The following HLX variants were observed in gnomAD, a reference collection of about 807,000 sequenced individuals.
HLX encodes H2.0-like homeobox protein.
Under a neutral mutation model 27.7 loss-of-function variants are expected in HLX, and 6 were observed. That is an observed-to-expected ratio of 0.22 (90% confidence interval 0.12 to 0.43). The LOEUF is 0.43. Among genes scored for constraint, HLX ranks in the 20% least tolerant of loss-of-function variants. HLX has a pLI of 1.00. For missense variants in HLX, 666 were observed against 655.2 expected (o/e 1.02, Z -0.18); for synonymous variants, 328 against 293.8 (o/e 1.12, Z -1.19).
At position 220,884,806 on chromosome 1, in the gene HLX, C is replaced by T; in HGVS notation, c.*102C>T. 1 of 1,507,068 alleles carries T rather than the reference C, an allele frequency of 6.6e-7. No homozygotes were observed. The highest frequency in any genetic ancestry group is 8.9e-7 in the Non-Finnish European group (1 of 1,128,930). The allele number at this position is 1,507,068 out of a possible 1,614,324, so 93.4% of individuals were successfully genotyped here. ...GTTGGCGACTTGGTAGGGCAGGAGA[C>T]GCAGCGTGGAGCCTACCTCCCGACA... On this transcript the variant is annotated 3_prime_UTR_variant, in exon 4 of 4. Coordinates refer to ENST00000366903, the MANE Select transcript of HLX (RefSeq NM_021958.4). This position sits in a 1 kb window ranked among gnomAD's most constrained non-coding sequence, Gnocchi z 4.9.
Position 220,884,630 on chromosome 1 carries a change from C to T in HLX, c.1393C>T (p.Pro465Ser), listed in dbSNP as rs762788335. Residue 465 changes from proline to serine, a missense_variant, in exon 4 of 4, where the codon CCT (proline) becomes TCT (serine). Transcript: ENST00000366903. This position sits in a 1 kb window ranked among gnomAD's most constrained non-coding sequence, Gnocchi z 4.9. The part of the protein sequence containing the change: ...LGGGGASELL[P>S]ATQPTASSAP... The stretch of plus-strand genomic sequence containing the variant: ...CGGCGGCGGCGCCTCGGAGCTTCTC[C>T]CTGCAACACAGCCCACAGCCAGCAG... 9.3e-6 allele frequency: 15 copies of T among 1,610,198 alleles called. No homozygotes were observed. Among genetic ancestry groups the T allele is most frequent in the Admixed American group, 6.7e-5 (4 of 59,850 alleles).
chr1:220,880,512 G>A (rs1674402812), intron 1 of HLX, 63 bp downstream of exon 1: 1 of 1,563,388 alleles, frequency 6.4e-7, no homozygotes, highest in Admixed American at 1.7e-5. Context: ...ACCCCGGGCT[G>A]GCTTGGGGTG....
chr1:220,880,480 TGACCACTGACC>T (rs765121102), intron 1 of HLX, 31 bp downstream of exon 1: 9 of 1,611,588 alleles, frequency 5.6e-6, no homozygotes, highest in Non-Finnish European at 7.6e-6. Context: ...TGCAGGCCTC[TGACCACTGACC>T]CACTCCCCGG....
chr1:220,884,018 C>T lies in HLX; in HGVS notation c.958-177C>T. The T allele has an allele frequency of 1.5e-6, 1 of 659,564 alleles. No homozygotes were observed. Among genetic ancestry groups the T allele is most frequent in the Non-Finnish European group, 2.7e-6 (1 of 377,024 alleles). The allele number at this position is 659,564 out of a possible 1,614,324, so 40.9% of individuals were successfully genotyped here. A position where few individuals can be genotyped will look rare whatever the true frequency, so the allele number is the denominator to read the frequency against. ...CAGGATTCCTGGCTTCTTGTGTTCC[C>T]CTGGGCTGCCCCTTGGCTCCTGCGC... On this transcript the variant is annotated intron_variant, in intron 3 of 3. Coordinates refer to ENST00000366903, the MANE Select transcript of HLX (RefSeq NM_021958.4). This position sits in a 1 kb window ranked among gnomAD's most constrained non-coding sequence, Gnocchi z 4.9.
At chr1:220,881,613 G>A in intron 2 of HLX, 1 of 585,264 alleles carries the variant, frequency 1.7e-6, no homozygotes, top group Non-Finnish European at 3.0e-6. Flanking sequence ...TGGACGGTGG[G>A]GTGGGGGGCT....
rs772259478 is a variant in HLX, at chr1:220,884,606, G to A, written c.1369G>A (p.Gly457Ser). ...TGCGGGTTGCGCCAGCAGCCTTGGC[G>A]GCGGCGGCGCCTCGGAGCTTCTCCC... ...TSAGCASSLGGGGASELLPAT... is the reference protein window; with the variant it reads ...TSAGCASSLGSGGASELLPAT... The change falls in exon 4 of 4, where the codon GGC (glycine) becomes AGC (serine). Residue 457 changes from glycine to serine, a missense_variant. By Grantham distance (56) the Gly-to-Ser change is moderately conservative. Coordinates refer to ENST00000366903, the MANE Select transcript of HLX (RefSeq NM_021958.4). The surrounding 1 kb of genome is among the most constrained non-coding windows in gnomAD (Gnocchi z 4.9). 2 of 1,607,432 alleles carry A rather than the reference G, an allele frequency of 1.2e-6. No homozygotes were observed. Among genetic ancestry groups the A allele is most frequent in the South Asian group, 1.1e-5 (1 of 90,494 alleles).
At chr1:220,881,432 C>G in intron 2 of HLX, 59 bp downstream of exon 2, 2 of 1,396,852 alleles carry the variant, frequency 1.4e-6, no homozygotes, top group Admixed American at 3.4e-5. Context: ...TCAGAAATCT[C>G]AGGACTGACG....
At chr1:220,883,526 C>G (rs983104053) in intron 3 of HLX, 5 of 152,564 alleles carry the variant, frequency 3.3e-5, no homozygotes, top group Non-Finnish European at 4.4e-5. Context: ...ATTTGTTTAT[C>G]CTTAACAGGG....
At chr1:220,881,752 A>T (rs893042970) in intron 2 of HLX, 39 of 393,688 alleles carry the variant, frequency 9.9e-5, no homozygotes, top group African/African-American at 6.6e-4. Context: ...GCCTGGACAC[A>T]TGCGGGAATA....
At chr1:220,883,298 C>T (rs1376404301) in intron 3 of HLX, 1 of 108,568 alleles carries the variant, frequency 9.2e-6, no homozygotes, top group African/African-American at 4.7e-5. Flanking sequence ...CACACACACA[C>T]ACACACACAC....
rs535317284 is a variant in HLX, at chr1:220,881,011, G to C, written c.593-183G>C. ...GCATATGGACGTGAGGGACACACAG[G>C]AACTTTTCGTGCGTCGCTCCTTGGC... is the stretch of plus-strand genomic sequence containing the variant. On this transcript the variant is annotated intron_variant, in intron 1 of 3. Coordinates refer to ENST00000366903, the MANE Select transcript of HLX (RefSeq NM_021958.4). The C allele has an allele frequency of 4.3e-5, 27 of 635,190 alleles. No homozygotes were observed. The East Asian group carries it at 7.3e-4, about 17-fold the overall frequency. 39.3% of individuals were successfully genotyped at this position (635,190 alleles called of 1,614,324 possible). A position where few individuals can be genotyped will look rare whatever the true frequency, so the allele number is the denominator to read the frequency against.
At position 220,882,363 on chromosome 1, in the gene HLX, G is replaced by C. The variant is rs369185944; in HGVS notation, c.957+15G>C. On this transcript the variant is annotated intron_variant, in intron 3 of 3. Coordinates refer to ENST00000366903, the MANE Select transcript of HLX (RefSeq NM_021958.4). ...CGGACGCACAGGTAAGGCAGTTCTG[G>C]CTCCAGCGCACAGCGCCCTCGGGCG... 1.2e-6 allele frequency: 2 copies of C among 1,613,382 alleles called. No homozygotes were observed. Among genetic ancestry groups the C allele is most frequent in the Non-Finnish European group, 8.5e-7 (1 of 1,179,710 alleles).
At chr1:220,881,165 A>T (rs1674428583) in intron 1 of HLX, 29 bp from the exon 2 acceptor site, 2 of 1,602,850 alleles carry the variant, frequency 1.2e-6, no homozygotes, top group Non-Finnish European at 1.7e-6. Flanking sequence ...CCCGAGATGT[A>T]ACCTGCTATC....
chr1:220,882,894 T>A (rs1488888205), intron 3 of HLX: 2 of 158,376 alleles, frequency 1.3e-5, no homozygotes, highest in East Asian at 3.7e-4. Flanking sequence ...GGCCACACAT[T>A]ACAAGGCTTA....
At chr1:220,880,634 C>T (rs548941621) in intron 1 of HLX, 185 bp downstream of exon 1, 26 of 641,372 alleles carry the variant, frequency 4.1e-5, no homozygotes, top group Non-Finnish European at 5.2e-5. Context: ...CTATGTAAAA[C>T]AAACAAAAAA....
chr1:220,880,262 G>A lies in HLX; in HGVS notation c.405G>A (p.Gln135=), dbSNP rs1333620754. The A allele has an allele frequency of 6.2e-7, 1 of 1,613,366 alleles. No homozygotes were observed. Among genetic ancestry groups the A allele is most frequent in the Non-Finnish European group, 8.5e-7 (1 of 1,179,550 alleles). ...QQQQQQQQPQ[Q]QQPPPPPRAG... ...AACAGCAGCAGCAACAGCCGCAGCA[G>A]CAACAGCCTCCGCCTCCGCCCCGGG... The change falls in exon 1 of 4, where the codon CAG becomes CAA. Residue 135 remains glutamine (Q), a synonymous_variant. Coordinates refer to ENST00000366903, the MANE Select transcript of HLX (RefSeq NM_021958.4).
In HLX at chr1:220,881,294, C is replaced by T; in HGVS notation, c.693C>T (p.Asn231=). Residue 231 remains asparagine (N), a synonymous_variant, in exon 2 of 4, where the codon AAC becomes AAT. Transcript: ENST00000366903. ...TCTTCGCATCTCTAGATCCCATTAA[C>T]GAGGCTTCTGCAATCCTGAGTCCCT... ...GQFFASLDPI[N]EASAILSPLN... 1 of 1,614,070 alleles carries T rather than the reference C, an allele frequency of 6.2e-7. No individual in the cohort carries two copies. The highest frequency in any genetic ancestry group is 8.5e-7 in the Non-Finnish European group (1 of 1,179,884).
Position 220,884,636 on chromosome 1 carries a change from A to G in HLX, c.1399A>G (p.Thr467Ala), listed in dbSNP as rs370523363. The change falls in exon 4 of 4, where the codon ACA (threonine) becomes GCA (alanine). Residue 467 changes from threonine (T) to alanine (A), a missense_variant. Transcript: ENST00000366903. The surrounding 1 kb of genome is among the most constrained non-coding windows in gnomAD (Gnocchi z 4.9). ...GGGASELLPA[T>A]QPTASSAPKS... ...CGGCGCCTCGGAGCTTCTCCCTGCA[A>G]CACAGCCCACAGCCAGCAGCGCTCC... 161 of 1,610,646 alleles carry G rather than the reference A, an allele frequency of 1.0e-4. No homozygotes were observed. Among genetic ancestry groups the G allele is most frequent in the Admixed American group, 2.2e-4 (13 of 59,888 alleles).
intron 2 of HLX, 142 bp from the exon 3 acceptor site, chr1:220,882,022 A>AT: frequency 1.3e-6 from 1 of 783,278 alleles, no homozygotes; most frequent in Non-Finnish European, 2.2e-6. Context: ...GTATGTGCGA[A>AT]GGGCTTTCTG....
Sources: allele counts gnomAD v4.1 joint callset, GRCh38; gene constraint gnomAD v4.1.1; non-coding constraint Gnocchi (gnomAD v3.1); transcripts MANE v1.5; gene names NCBI Gene and HGNC (gene_info 2026-07-23, HGNC 2026-07-21).